The following PHAF1 variants were observed in gnomAD, a reference collection of about 807,000 sequenced individuals.
The protein encoded by PHAF1 is phagophore assembly factor 1.
Under a neutral mutation model 63.1 loss-of-function variants are expected in PHAF1, and 23 were observed. The observed-to-expected ratio is 0.36, with a 90% CI of 0.26 to 0.52. PHAF1 has a LOEUF of 0.52. Ranked by LOEUF, PHAF1 falls within the 20% of genes least tolerant of loss-of-function variation. PHAF1 has a pLI of 0.93. For missense variants in PHAF1, 427 were observed against 517.2 expected (o/e 0.83, Z 1.69); for synonymous variants, 167 against 185.0 (o/e 0.90, Z 0.79).
intron 2 of PHAF1, 132 bp from the exon 3 acceptor site, chr16:67,125,827 C>T (rs903335387): frequency 1.5e-6 from 1 of 671,916 alleles, no homozygotes; most frequent in Non-Finnish European, 2.6e-6. Context: ...TTCCAAGCAC[C>T]ATTAGCTGGA....
intron 1 of PHAF1, among the ~76,000 whole-genome samples, chr16:67,113,399 T>G (rs1962598770): frequency 6.6e-6 from 1 of 151,964 alleles, no homozygotes; most frequent in Admixed American, 6.6e-5. Context: ...TGACCAGCAG[T>G]GGAGTAAAGG....
At chr16:67,138,927 G>GTT (rs978229215) in intron 8 of PHAF1, among the ~76,000 whole-genome samples, 3 of 151,206 alleles carry the variant, frequency 2.0e-5, no homozygotes, top group Non-Finnish European at 4.4e-5. Flanking sequence ...TACTTTTGTA[G>GTT]TTTTTTTTTA....
intron 5 of PHAF1, 52 bp from the exon 6 acceptor site, chr16:67,132,765 C>A: frequency 6.8e-7 from 1 of 1,478,414 alleles, no homozygotes; most frequent in Non-Finnish European, 9.5e-7. Flanking sequence ...TTATGTTAGC[C>A]ATTTCAGATG....
At chr16:67,123,613 G>A (rs1352351475) in intron 2 of PHAF1, among the ~76,000 whole-genome samples, 1 of 151,996 alleles carries the variant, frequency 6.6e-6, no homozygotes, top group Non-Finnish European at 1.5e-5. Flanking sequence ...CATTATATTT[G>A]CCCAGACTGG....
intron 6 of PHAF1, 38 bp from the exon 7 acceptor site, chr16:67,134,130 G>T (rs767294977): frequency 4.5e-6 from 7 of 1,541,756 alleles, no homozygotes; most frequent in Non-Finnish European, 9.0e-7. Context: ...CCCATCACCT[G>T]TTGTGCCCTA....
At chr16:67,123,903 A>G (rs1963085180) in intron 2 of PHAF1, among the ~76,000 whole-genome samples, 1 of 152,236 alleles carries the variant, frequency 6.6e-6, no homozygotes, top group Non-Finnish European at 1.5e-5. Context: ...GGGAAAAGAT[A>G]TTAACAACTA....
Position 67,147,034 on chromosome 16 carries a change from T to C in PHAF1, c.1183-11T>C, listed in dbSNP as rs1297095119. 1 of 1,610,834 alleles carries C rather than the reference T, an allele frequency of 6.2e-7. No homozygotes were observed. Among genetic ancestry groups the C allele is most frequent in the South Asian group, 1.1e-5 (1 of 90,978 alleles). ...TCTCCCCCTTGACCCACTGTCCTCT[T>C]CTCACACCAGGTCATGCAGAACAAC... On this transcript the variant is annotated splice_polypyrimidine_tract_variant and intron_variant, in intron 15 of 15. Transcript: ENST00000219139.
intron 3 of PHAF1, among the ~76,000 whole-genome samples, chr16:67,129,437 T>C (rs1404579251): frequency 6.6e-6 from 1 of 152,234 alleles, no homozygotes; most frequent in East Asian, 1.9e-4. Flanking sequence ...AGCTACATTA[T>C]AGTCAAGAGG....
At position 67,132,378 on chromosome 16, in the gene PHAF1, T is replaced by C. The variant is rs937582680; in HGVS notation, c.276-68T>C. 2.1e-5 allele frequency: 28 copies of C among 1,324,484 alleles called. No homozygotes were observed. In the African/African-American group the frequency reaches 4.0e-4, roughly 19 times the overall value. The allele number at this position is 1,324,484 out of a possible 1,614,324, so 82.0% of individuals were successfully genotyped here. On this transcript the variant is annotated intron_variant, in intron 4 of 15. Coordinates refer to ENST00000219139, the MANE Select transcript of PHAF1 (RefSeq NM_025187.5). Reference sequence around the variant, plus strand: ...GTGTCTTAAAAATAACTCTCCCAGCTACTATCTCACATGATCTGTGGGCCC... The same window carrying C: ...GTGTCTTAAAAATAACTCTCCCAGCCACTATCTCACATGATCTGTGGGCCC...
At chr16:67,121,799 C>G (rs188982284) in intron 2 of PHAF1, among the ~76,000 whole-genome samples, 1 of 152,054 alleles carries the variant, frequency 6.6e-6, no homozygotes, top group African/African-American at 2.4e-5. Flanking sequence ...AGGCTGGTCT[C>G]GAACTCCTGA....
rs752549797 is a variant in PHAF1 at position 67,132,654 on chromosome 16, T to C, written c.355+129T>C. On this transcript the variant is annotated intron_variant, in intron 5 of 15. Coordinates refer to ENST00000219139, the MANE Select transcript of PHAF1 (RefSeq NM_025187.5). Reference sequence around the variant, plus strand: ...TAGGATTGTGGGGTTGGTACTTGGGTGTGAAGGAAACATCCTCCCCCTTGT... The same window carrying C: ...TAGGATTGTGGGGTTGGTACTTGGGCGTGAAGGAAACATCCTCCCCCTTGT... 5 of 1,244,324 alleles carry C rather than the reference T, an allele frequency of 4.0e-6. No individual in the cohort carries two copies. In the African/African-American group the frequency reaches 7.4e-5, roughly 18 times the overall value. 77.1% of individuals were successfully genotyped at this position (1,244,324 alleles called of 1,614,324 possible).
At chr16:67,116,833 C>T (rs1433653320) in intron 1 of PHAF1, among the ~76,000 whole-genome samples, 1 of 152,080 alleles carries the variant, frequency 6.6e-6, no homozygotes, top group African/African-American at 2.4e-5. Flanking sequence ...CTGGGTGACA[C>T]AGTGAGATTG....
In PHAF1 at chr16:67,115,127, C is replaced by T. The variant is rs143411108; in HGVS notation, c.64+4888C>T. Among the ~76,000 whole-genome samples the T allele has an allele frequency of 1.6e-3, 246 of 152,258 alleles. 1 individual carries two copies. The highest frequency in any genetic ancestry group is 2.4e-3 in the Non-Finnish European group (161 of 68,008). ...GAGAAGGAGGGTGGTCAACAGGATT[C>T]GTGGTATAGGACCTAAGTGTTCTAC... On this transcript the variant is annotated intron_variant, in intron 1 of 15. Transcript: ENST00000219139.
At chr16:67,131,374 AG>A (rs1488831880) in intron 4 of PHAF1, 45 bp downstream of exon 4, 1 of 1,330,182 alleles carries the variant, frequency 7.5e-7, no homozygotes, top group African/African-American at 1.5e-5. Flanking sequence ...TGGTATAGAC[AG>A]GCCATATCTA....
chr16:67,117,637 C>T (rs1003042143), intron 1 of PHAF1, among the ~76,000 whole-genome samples: 10 of 151,236 alleles, frequency 6.6e-5, no homozygotes, highest in Non-Finnish European at 1.2e-4. Context: ...ATTAGCCAGG[C>T]GTGGTGGCGG....
At position 67,113,599 on chromosome 16, in the gene PHAF1, G is replaced by A. The variant is rs1327164387; in HGVS notation, c.64+3360G>A. On this transcript the variant is annotated intron_variant, in intron 1 of 15. Coordinates refer to ENST00000219139, the MANE Select transcript of PHAF1 (RefSeq NM_025187.5). The stretch of plus-strand genomic sequence containing the variant: ...CAAGTAGCTGGGACTACAGGCGCCC[G>A]CCACCACGCCCAGCTAATTTTTTGT... Among the ~76,000 whole-genome samples the A allele has an allele frequency of 3.3e-5, 5 of 151,078 alleles. No homozygotes were observed. In the South Asian group the frequency reaches 1.0e-3, roughly 32 times the overall value.
chr16:67,119,716 C>CA (rs1962898583), intron 1 of PHAF1, among the ~76,000 whole-genome samples: 1 of 142,706 alleles, frequency 7.0e-6, no homozygotes, highest in Admixed American at 7.2e-5. Flanking sequence ...TTAGTAGAGT[C>CA]AGAGTTTTAC....
intron 3 of PHAF1, among the ~76,000 whole-genome samples, chr16:67,128,322 G>A (rs905828382): frequency 4.6e-5 from 7 of 152,152 alleles, no homozygotes; most frequent in Admixed American, 2.6e-4. Flanking sequence ...AAATCAAACC[G>A]GCAATCCTCT....
intron 2 of PHAF1, among the ~76,000 whole-genome samples, chr16:67,122,031 G>A (rs969675352): frequency 6.6e-6 from 1 of 152,020 alleles, no homozygotes; most frequent in Admixed American, 6.6e-5. Context: ...CTGAGTAGCT[G>A]GGACCACAGG....
Sources: allele counts gnomAD v4.1 joint callset (sites outside exome capture counted in the v4.1 genomes callset), GRCh38; gene constraint gnomAD v4.1.1; transcripts MANE v1.5; gene names NCBI Gene and HGNC (gene_info 2026-07-23, HGNC 2026-07-21).